TSNARE1: variants seen among roughly 807,000 people sequenced by gnomAD.
The protein encoded by TSNARE1 is t-SNARE domain-containing protein 1.
Under a neutral mutation model 62.0 loss-of-function variants are expected in TSNARE1, and 49 were observed. That is an observed-to-expected ratio of 0.79 (90% CI 0.63 to 1.00). The LOEUF (loss-of-function observed/expected upper bound fraction) is 1.00, where lower values mean the gene tolerates loss of function less well. Among genes scored for constraint, TSNARE1 ranks in the 50% least tolerant of loss-of-function variants. The pLI is 0.00. For synonymous variants in TSNARE1, 328 were observed against 294.4 expected, an observed-to-expected ratio of 1.11 and a Z score of -1.17; for missense variants, 755 against 700.1, an observed-to-expected ratio of 1.08 and a Z score of -0.88.
At chr8:142,382,266 G>A (rs912268317) in intron 1 of TSNARE1, among the ~76,000 whole-genome samples, 15 of 152,132 alleles carry the variant, frequency 9.9e-5, no homozygotes, top group African/African-American at 2.7e-4. Flanking sequence ...AATGCCAGCC[G>A]GGCACCCCCA....
At chr8:142,394,358 T>A (rs1255445545) in intron 1 of TSNARE1, among the ~76,000 whole-genome samples, 3 of 152,124 alleles carry the variant, frequency 2.0e-5, no homozygotes, top group African/African-American at 7.2e-5. Context: ...TCCCCATCTG[T>A]AAACTGGGGA....
At chr8:142,260,573 C>T (rs1238302646) in intron 12 of TSNARE1, among the ~76,000 whole-genome samples, 1 of 152,140 alleles carries the variant, frequency 6.6e-6, no homozygotes, top group Non-Finnish European at 1.5e-5. Flanking sequence ...ACCATCTGAC[C>T]CAGCCTCACT....
intron 13 of TSNARE1, among the ~76,000 whole-genome samples, chr8:142,213,800 G>A (rs1311480489): frequency 6.6e-6 from 1 of 152,192 alleles, no homozygotes; most frequent in African/African-American, 2.4e-5. Context: ...CCCAGCAGGT[G>A]GCCCACGTGA....
intron 1 of TSNARE1, among the ~76,000 whole-genome samples, chr8:142,397,371 G>A (rs1055213092): frequency 6.6e-5 from 10 of 152,168 alleles, no homozygotes; most frequent in African/African-American, 2.2e-4. Context: ...CCCCCAAGAC[G>A]CCCGGAGATT....
At chr8:142,325,366 C>T (rs532005957) in intron 6 of TSNARE1, among the ~76,000 whole-genome samples, 1 of 152,312 alleles carries the variant, frequency 6.6e-6, no homozygotes, top group South Asian at 2.1e-4. Context: ...TGATCAGATC[C>T]ACATTTTTAA....
rs558750272 is a variant in TSNARE1, at chr8:142,379,775, C to T, written c.-40+23329G>A. ...ACGGGTGGGGCCAGGGCTGCCTCAG[C>T]CTCCAGGGCTCCAGGCTGCTGACAT... On this transcript the variant is annotated intron_variant, in intron 1 of 13. Transcript: ENST00000524325. 1.4e-4 allele frequency among the ~76,000 whole-genome samples: 21 copies of T among 152,320 alleles called. 1 individual carries two copies. In the East Asian group the frequency reaches 4.1e-3, roughly 29 times the overall value.
chr8:142,265,418 CAT>C (rs1229557370), intron 12 of TSNARE1, among the ~76,000 whole-genome samples: 5 of 152,194 alleles, frequency 3.3e-5, no homozygotes. Context: ...GAGTTGCTGG[CAT>C]TTCCGAGTGG....
At chr8:142,336,171 C>T (rs1831726309) in intron 4 of TSNARE1, among the ~76,000 whole-genome samples, 1 of 150,132 alleles carries the variant, frequency 6.7e-6, no homozygotes, top group African/African-American at 2.5e-5. Context: ...GTCTCAGCTA[C>T]TTGAAATGCT....
At chr8:142,350,816 A>T (rs1449617302) in intron 2 of TSNARE1, among the ~76,000 whole-genome samples, 1 of 152,252 alleles carries the variant, frequency 6.6e-6, no homozygotes, top group Admixed American at 6.5e-5. Context: ...TTTCTTCAAC[A>T]AATAAACTTG....
intron 2 of TSNARE1, among the ~76,000 whole-genome samples, chr8:142,351,936 G>A (rs1004954985): frequency 2.6e-5 from 4 of 152,226 alleles, no homozygotes; most frequent in Admixed American, 1.3e-4. Context: ...GTCAATTACA[G>A]TCTTAAATAT....
chr8:142,247,023 T>C (rs527748597), intron 12 of TSNARE1, among the ~76,000 whole-genome samples: 1 of 152,342 alleles, frequency 6.6e-6, no homozygotes, highest in Admixed American at 6.5e-5. Context: ...CGACCAGCTA[T>C]GGCCAGACGA....
At chr8:142,320,973 G>C (rs762686393) in intron 6 of TSNARE1, among the ~76,000 whole-genome samples, 1 of 152,184 alleles carries the variant, frequency 6.6e-6, no homozygotes, top group African/African-American at 2.4e-5. Context: ...GCAGGATCTC[G>C]TCTCATTTGT....
chr8:142,298,278 C>T (rs372868050), intron 10 of TSNARE1, among the ~76,000 whole-genome samples: 17 of 152,368 alleles, frequency 1.1e-4, no homozygotes, highest in African/African-American at 3.6e-4. Context: ...GCTGCTCAGC[C>T]CACACTCACC....
At chr8:142,332,339 G>T (rs978564108) in intron 4 of TSNARE1, among the ~76,000 whole-genome samples, 1 of 152,196 alleles carries the variant, frequency 6.6e-6, no homozygotes, top group Non-Finnish European at 1.5e-5. Context: ...ACGCCGCACG[G>T]TTCCACACAT....
At chr8:142,275,355 C>A in intron 11 of TSNARE1, 1 of 985,428 alleles carries the variant, frequency 1.0e-6, no homozygotes, top group Non-Finnish European at 1.2e-6. Context: ...GACTCAAGCA[C>A]AGGGAGCTGA....
At chr8:142,307,041 C>T in intron 9 of TSNARE1, among the ~76,000 whole-genome samples, 1 of 152,216 alleles carries the variant, frequency 6.6e-6, no homozygotes, top group Non-Finnish European at 1.5e-5. Context: ...CTGAATACTA[C>T]AGAAATGGAA....
chr8:142,394,937 G>T (rs905247375), intron 1 of TSNARE1, among the ~76,000 whole-genome samples: 3 of 152,194 alleles, frequency 2.0e-5, no homozygotes, highest in African/African-American at 7.2e-5. Flanking sequence ...GTCTCCATAA[G>T]GAGAGATGCA....
chr8:142,398,950 C>T lies in TSNARE1; in HGVS notation c.-40+4154G>A, dbSNP rs79053694. ...CACCCCCATCCCAGACTCAGCAAGC[C>T]GCAAGTTGACGAGAGAATCTCATAG... On this transcript the variant is annotated intron_variant, in intron 1 of 13. Transcript: ENST00000524325. Among the ~76,000 whole-genome samples the T allele has an allele frequency of 2.2e-3, 334 of 152,282 alleles. 1 individual carries two copies. The highest frequency in any genetic ancestry group is 6.9e-3 in the Middle Eastern group (2 of 290).
intron 10 of TSNARE1, among the ~76,000 whole-genome samples, chr8:142,294,512 G>A (rs949760616): frequency 6.6e-6 from 1 of 152,202 alleles, no homozygotes; most frequent in African/African-American, 2.4e-5. Context: ...TGGGCTCCTG[G>A]CGGCAGCTGG....
Sources: gnomAD v4.1 joint callset for allele counts (sites outside exome capture counted in the v4.1 genomes callset) on GRCh38, gnomAD v4.1.1 for gene constraint, MANE v1.5 for transcripts, NCBI Gene and HGNC (gene_info 2026-07-23, HGNC 2026-07-21) for gene names.